The following TIAM2 variants were observed in gnomAD, a reference collection of about 807,000 sequenced individuals.
The protein encoded by TIAM2 is TIAM Rac1 associated GEF 2.
A neutral mutation model predicts 152.9 loss-of-function variants in TIAM2; 80 were observed. The ratio of observed to expected loss-of-function variants is 0.52; its 90% confidence interval spans 0.44 to 0.63. The LOEUF is 0.63. TIAM2 is among the 30% of genes least tolerant of loss of function. TIAM2 has a pLI of 0.00. For synonymous variants in TIAM2, 804 were observed against 838.0 expected (o/e 0.96, Z 0.70); for missense variants, 1,965 against 2,120.1 (o/e 0.93, Z 1.44).
intron 1 of TIAM2, among the ~76,000 whole-genome samples, chr6:155,011,265 T>G (rs1340197927): frequency 6.6e-6 from 1 of 152,136 alleles, no homozygotes; most frequent in East Asian, 1.9e-4. Context: ...TTGACACTGG[T>G]TAGGAGACCT....
At chr6:155,206,442 A>G (rs550639533) in intron 14 of TIAM2, among the ~76,000 whole-genome samples, 9 of 152,166 alleles carry the variant, frequency 5.9e-5, no homozygotes, top group Non-Finnish European at 1.3e-4. Context: ...TCACCATGTT[A>G]GCCAGGATGG....
chr6:155,234,006 G>T (rs373735430), intron 15 of TIAM2, among the ~76,000 whole-genome samples: 3,430 of 151,200 alleles, frequency 0.023, 138 homozygotes, highest in African/African-American at 0.078. Context: ...TTTTTTTTGG[G>T]GGGGGGTTGG....
chr6:155,026,897 G>C (rs957952385), intron 1 of TIAM2, among the ~76,000 whole-genome samples: 2 of 152,146 alleles, frequency 1.3e-5, no homozygotes, highest in Non-Finnish European at 2.9e-5. Flanking sequence ...AACTGGTTGG[G>C]AAGAGAAAAA....
intron 15 of TIAM2, among the ~76,000 whole-genome samples, chr6:155,224,317 CT>C (rs1277114566): frequency 6.6e-6 from 1 of 152,126 alleles, no homozygotes; most frequent in Non-Finnish European, 1.5e-5. Context: ...GCAATTTCCT[CT>C]ATAGACTCAG....
intron 9 of TIAM2, among the ~76,000 whole-genome samples, chr6:155,172,592 T>C (rs775336099): frequency 6.9e-6 from 1 of 144,174 alleles, no homozygotes; most frequent in African/African-American, 2.5e-5. Flanking sequence ...ATTTTTTCTG[T>C]CTCCATTTGC....
chr6:155,070,773 C>G (rs1005559813), intron 1 of TIAM2, among the ~76,000 whole-genome samples: 18 of 152,066 alleles, frequency 1.2e-4, no homozygotes, highest in African/African-American at 4.3e-4. Context: ...GATGGTGATA[C>G]CCTGAGGTGG....
intron 4 of TIAM2, among the ~76,000 whole-genome samples, chr6:155,133,262 G>A (rs180946579): frequency 2.0e-5 from 3 of 152,256 alleles, no homozygotes; most frequent in Non-Finnish European, 4.4e-5. Flanking sequence ...CAGGAGAATC[G>A]CTTGAACCTG....
At chr6:155,236,334 A>G (rs1782756822) in intron 15 of TIAM2, among the ~76,000 whole-genome samples, 1 of 151,960 alleles carries the variant, frequency 6.6e-6, no homozygotes, top group South Asian at 2.1e-4. Context: ...CATGCAGGCC[A>G]CACATTAGCA....
intron 14 of TIAM2, among the ~76,000 whole-genome samples, chr6:155,200,361 A>T (rs944771042): frequency 1.3e-5 from 2 of 152,030 alleles, no homozygotes; most frequent in African/African-American, 4.8e-5. Flanking sequence ...ATTTCCTGTG[A>T]TTTGTTTCTT....
At chr6:155,078,569 G>A (rs762805841) in intron 1 of TIAM2, among the ~76,000 whole-genome samples, 48 of 152,078 alleles carry the variant, frequency 3.2e-4, no homozygotes, top group African/African-American at 5.6e-4. Context: ...GGTTCCTCAC[G>A]TCCAACTCGG....
chr6:155,127,359 A>G (rs1779318642), intron 2 of TIAM2, 131 bp from the exon 3 acceptor site: 1 of 339,336 alleles, frequency 2.9e-6, no homozygotes, highest in South Asian at 2.3e-5. Flanking sequence ...CAGACGTTTC[A>G]TTTATTACCT....
rs10214778 is a variant in TIAM2, at chr6:154,995,318, G to C, written c.-383G>C. 33,715 of 151,362 alleles carry C rather than the reference G, an allele frequency of 0.22. 4,510 individuals are homozygous for C. The highest frequency in any genetic ancestry group is 0.39 in the African/African-American group (15,906 of 41,264). The allele number at this position is 151,362 out of a possible 1,614,324, so 9.4% of individuals were successfully genotyped here. A position where few individuals can be genotyped will look rare whatever the true frequency, so the allele number is the denominator to read the frequency against. ...GCGCTGCGCGCGGGGCTGGGGCAGC[G>C]GTAACCGTAACTGTGGCCGCGGCCG... is the stretch of plus-strand genomic sequence containing the variant. On this transcript the variant is annotated 5_prime_UTR_variant, in exon 1 of 27. Coordinates refer to ENST00000682666, the MANE Select transcript of TIAM2 (RefSeq NM_012454.4). This position sits in a 1 kb window ranked among gnomAD's most constrained non-coding sequence, Gnocchi z 5.2.
chr6:155,181,516 A>G (rs1049435948), intron 12 of TIAM2, among the ~76,000 whole-genome samples: 10 of 152,322 alleles, frequency 6.6e-5, no homozygotes, highest in African/African-American at 2.4e-4. Context: ...TTTTAGGTGT[A>G]CAGTTTTGTG....
intron 17 of TIAM2, 122 bp downstream of exon 17, chr6:155,244,201 C>A: frequency 2.1e-6 from 2 of 943,794 alleles, no homozygotes; most frequent in Non-Finnish European, 3.3e-6. Context: ...ACTTAACGGT[C>A]TTCTGAGAGT....
rs193012714 is a variant in TIAM2, at chr6:155,156,281, C to T, written c.2028+7947C>T. Among the ~76,000 whole-genome samples the T allele has an allele frequency of 4.3e-3, 662 of 152,222 alleles. 2 individuals are homozygous for T. Among genetic ancestry groups the T allele is most frequent in the Non-Finnish European group, 6.9e-3 (468 of 68,008 alleles). On this transcript the variant is annotated intron_variant, in intron 7 of 26. Transcript: ENST00000682666. The surrounding 1 kb of genome is among the most constrained non-coding windows in gnomAD (Gnocchi z 4.4). ...AGGACTGTCTGTCACTCTCTCCTCC[C>T]GGTACCACTGCAGAAGCCTCCGGTT...
At chr6:155,144,092 G>T (rs950531497) in intron 5 of TIAM2, among the ~76,000 whole-genome samples, 1 of 152,186 alleles carries the variant, frequency 6.6e-6, no homozygotes, top group South Asian at 2.1e-4. Flanking sequence ...GCTCTCCCTC[G>T]TTCCTCTCCA....
At chr6:155,107,468 A>G (rs1434276688) in intron 2 of TIAM2, among the ~76,000 whole-genome samples, 1 of 152,224 alleles carries the variant, frequency 6.6e-6, no homozygotes, top group East Asian at 1.9e-4. Context: ...TGATGGTCTC[A>G]AGAAAGTACC....
At position 155,183,402 on chromosome 6, in the gene TIAM2, A is replaced by T. The variant is rs1194359426; in HGVS notation, c.2966A>T (p.Asp989Val). 1.2e-6 allele frequency: 2 copies of T among 1,614,148 alleles called. No individual in the cohort carries two copies. Among genetic ancestry groups the T allele is most frequent in the Admixed American group, 1.7e-5 (1 of 60,020 alleles). The change falls in exon 14 of 27, where the codon GAC (aspartate) becomes GTC (valine). Residue 989 changes from aspartate (D) to valine (V), a missense_variant. Physicochemically the swap from Asp to Val is radical, Grantham distance 152 (BLOSUM62 -3). This residue lies in a region of TIAM2 where 935 missense variants were observed against 980.0 expected (regional missense o/e 0.95). Coordinates refer to ENST00000682666, the MANE Select transcript of TIAM2 (RefSeq NM_012454.4). ...CTGTGTACATCCTGGTCAGACAGTG[A>T]CCTGTTCTCCAGGGACCAGAAGAGT... The part of the protein sequence containing the change: ...ATLCTSWSDS[D>V]LFSRDQKSLL...
intron 9 of TIAM2, among the ~76,000 whole-genome samples, chr6:155,173,822 C>G (rs1260633460): frequency 1.3e-5 from 2 of 152,196 alleles, no homozygotes; most frequent in African/African-American, 4.8e-5. Context: ...GTAAACTCAT[C>G]TAAGTGAGAG....
Sources: allele counts gnomAD v4.1 joint callset (sites outside exome capture counted in the v4.1 genomes callset), GRCh38; gene constraint gnomAD v4.1.1; regional missense constraint gnomAD v4.1.1; non-coding constraint Gnocchi (gnomAD v3.1); transcripts MANE v1.5; gene names NCBI Gene and HGNC (gene_info 2026-07-23, HGNC 2026-07-21).